Variants in FUT5 observed in about 807,000 individuals in gnomAD.
FUT5 encodes fucosyltransferase 5.
In FUT5, 1 loss-of-function variant was observed where a neutral mutation model predicts 0.8. The ratio of observed to expected loss-of-function variants is 1.26; its 90% CI spans 0.45 to 5.99. FUT5 has a LOEUF of 5.99. Ranked by LOEUF, FUT5 falls within the 30% of genes most tolerant of loss-of-function variation. The probability of loss-of-function intolerance (pLI) is 0.15; values close to 1 mark genes in which losing one functional copy is unlikely to be tolerated. For synonymous variants in FUT5, 212 were observed against 225.7 expected (o/e 0.94, Z 0.54); for missense variants, 437 against 517.8 (o/e 0.84, Z 1.51).
Position 5,867,451 on chromosome 19 carries a change from G to A in FUT5, c.275C>T (p.Pro92Leu). The part of the protein sequence containing the change: ...TWPFNTPVAL[P>L]RCSEMVPGAA... Reference sequence around the variant, plus strand: ...GCCGGGCACCATCTCTGAGCAGCGGGGCAGAGCCACGGGTGTGTTAAAAGG... The same window carrying A: ...GCCGGGCACCATCTCTGAGCAGCGGAGCAGAGCCACGGGTGTGTTAAAAGG... Residue 92 changes from proline (P) to leucine (L), a missense_variant, in exon 2 of 2, where the codon CCC becomes CTC. Pro to Leu is a moderately conservative substitution (Grantham distance 98, BLOSUM62 -3). Transcript: ENST00000588525. This position sits in a 1 kb window ranked among gnomAD's most constrained non-coding sequence, Gnocchi z 5.0. 1 of 1,613,706 alleles carries A rather than the reference G, an allele frequency of 6.2e-7. No individual in the cohort carries two copies. The highest frequency in any genetic ancestry group is 8.5e-7 in the Non-Finnish European group (1 of 1,179,990).
Position 5,866,405 on chromosome 19 carries a change from G to A in FUT5, c.*196C>T. On this transcript the variant is annotated 3_prime_UTR_variant, in exon 2 of 2. Transcript: ENST00000588525. The surrounding 1 kb of genome is among the most constrained non-coding windows in gnomAD (Gnocchi z 4.9). ...GGCTCCTGGCAGTGAAGCCCGGCAA[G>A]TGAAATCCCAGGTAAGTCACATGCC... The A allele has an allele frequency of 1.1e-6, 1 of 885,368 alleles. No homozygotes were observed. Among genetic ancestry groups the A allele is most frequent in the East Asian group, 2.5e-5 (1 of 39,420 alleles). The allele number at this position is 885,368 out of a possible 1,614,324, so 54.8% of individuals were successfully genotyped here.
At chr19:5,868,150 G>T (rs182773550) in intron 1 of FUT5, among the ~76,000 whole-genome samples, 1 of 152,146 alleles carries the variant, frequency 6.6e-6, no homozygotes, top group East Asian at 1.9e-4. Context: ...CACTGTCCCC[G>T]TCCTGGGGGA....
In FUT5 at chr19:5,866,599, T is replaced by A. The variant is rs1327677196; in HGVS notation, c.*2A>T. The A allele has an allele frequency of 6.2e-7, 1 of 1,613,002 alleles. No homozygotes were observed. Among genetic ancestry groups the A allele is most frequent in the African/African-American group, 1.3e-5 (1 of 74,886 alleles). On this transcript the variant is annotated 3_prime_UTR_variant, in exon 2 of 2. Coordinates refer to ENST00000588525, the MANE Select transcript of FUT5 (RefSeq NM_002034.2). This position sits in a 1 kb window ranked among gnomAD's most constrained non-coding sequence, Gnocchi z 4.9. ...CGGCAGCCCAGGCCCCATGCCGGCCTCTCAGGTGAACCAAGCCGCTATGCT... is the reference window on the plus strand; with the variant it reads ...CGGCAGCCCAGGCCCCATGCCGGCCACTCAGGTGAACCAAGCCGCTATGCT...
Position 5,867,819 on chromosome 19 carries a change from T to A in FUT5, c.-12-82A>T. The A allele has an allele frequency of 1.4e-6, 2 of 1,437,932 alleles. No individual in the cohort carries two copies. The highest frequency in any genetic ancestry group is 1.2e-5 in the South Asian group (1 of 86,152). The allele number at this position is 1,437,932 out of a possible 1,614,324, so 89.1% of individuals were successfully genotyped here. Reference sequence around the variant, plus strand: ...CCACGTGTCCTGAGAGAAGCTGTTATAATTTATGACACAGCTTGTCATAAA... The same window carrying A: ...CCACGTGTCCTGAGAGAAGCTGTTAAAATTTATGACACAGCTTGTCATAAA... On this transcript the variant is annotated intron_variant, in intron 1 of 1. Coordinates refer to ENST00000588525, the MANE Select transcript of FUT5 (RefSeq NM_002034.2). The surrounding 1 kb of genome is among the most constrained non-coding windows in gnomAD (Gnocchi z 5.0).
intron 1 of FUT5, among the ~76,000 whole-genome samples, chr19:5,868,186 G>A (rs915234534): frequency 1.1e-4 from 17 of 152,140 alleles, no homozygotes; most frequent in Non-Finnish European, 2.2e-4. Flanking sequence ...GAGAGGTGGG[G>A]AGGATAGGAG....
At position 5,866,416 on chromosome 19, in the gene FUT5, G is replaced by A. The variant is rs3745631; in HGVS notation, c.*185C>T. 1 of 947,726 alleles carries A rather than the reference G, an allele frequency of 1.1e-6. No homozygotes were observed. Among genetic ancestry groups the A allele is most frequent in the Non-Finnish European group, 1.6e-6 (1 of 623,056 alleles). 58.7% of individuals were successfully genotyped at this position (947,726 alleles called of 1,614,324 possible). ...GTGAAGCCCGGCAAGTGAAATCCCA[G>A]GTAAGTCACATGCCTGGCCACCAAA... On this transcript the variant is annotated 3_prime_UTR_variant, in exon 2 of 2. Coordinates refer to ENST00000588525, the MANE Select transcript of FUT5 (RefSeq NM_002034.2). This position sits in a 1 kb window ranked among gnomAD's most constrained non-coding sequence, Gnocchi z 4.9.
rs370008629 is a variant in FUT5, at chr19:5,867,550, G to A, written c.176C>T (p.Pro59Leu). The change falls in exon 2 of 2, where the codon CCC (proline) becomes CTC (leucine). Residue 59 changes from proline to leucine, a missense_variant. Physicochemically the swap from Pro to Leu is moderately conservative, Grantham distance 98 (BLOSUM62 -3). Around this residue, in one of 2 missense-constraint regions of FUT5, gnomAD observed 261 missense variants for 242.6 expected, o/e 1.08. Coordinates refer to ENST00000588525, the MANE Select transcript of FUT5 (RefSeq NM_002034.2). This position sits in a 1 kb window ranked among gnomAD's most constrained non-coding sequence, Gnocchi z 5.0. ...GCTGTCCTGGCAGCGGGACCCATTG[G>A]GAGCCCCGGTGACAGGTTCCACTGC... is the stretch of plus-strand genomic sequence containing the variant. ...LMAVEPVTGA[P>L]NGSRCQDSMA... The A allele has an allele frequency of 4.1e-5, 66 of 1,613,504 alleles. No homozygotes were observed. The East Asian group carries it at 7.4e-4, about 18-fold the overall frequency.
chr19:5,868,424 G>A (rs910346606), intron 1 of FUT5, among the ~76,000 whole-genome samples: 5 of 152,144 alleles, frequency 3.3e-5, no homozygotes, highest in African/African-American at 9.7e-5. Context: ...GAGGGCGACC[G>A]GAGGAGGAGG....
rs770584836 is a variant in FUT5, at chr19:5,867,255, C to G, written c.471G>C (p.Arg157=). Residue 157 remains arginine, a synonymous_variant, in exon 2 of 2, where the codon CGG becomes CGC. Transcript: ENST00000588525. This position sits in a 1 kb window ranked among gnomAD's most constrained non-coding sequence, Gnocchi z 5.0. ...WFSMESPSNC[R]HLEALDGYFN... The stretch of plus-strand genomic sequence containing the variant: ...AGTATCCGTCCAGGGCTTCCAGGTG[C>G]CGGCAGTTGCTGGGGGACTCCATGC... 78 of 1,613,294 alleles carry G rather than the reference C, an allele frequency of 4.8e-5. No homozygotes were observed. The highest frequency in any genetic ancestry group is 1.6e-4 in the Middle Eastern group (1 of 6,084).
chr19:5,866,632 G>A lies in FUT5; in HGVS notation c.1094C>T (p.Thr365Met), dbSNP rs368467966. Residue 365 changes from threonine (T) to methionine (M), a missense_variant, in exon 2 of 2, where the codon ACG becomes ATG. Coordinates refer to ENST00000588525, the MANE Select transcript of FUT5 (RefSeq NM_002034.2). This position sits in a 1 kb window ranked among gnomAD's most constrained non-coding sequence, Gnocchi z 4.9. ...GAACCAAGCCGCTATGCTGCGCACC[G>A]TCTGGTACCTAGATTCCTGCTGCAG... The part of the protein sequence containing the change: ...WKLQQESRYQ[T>M]VRSIAAWFT 9.2e-5 allele frequency: 149 copies of A among 1,613,116 alleles called. 1 individual carries two copies. Among genetic ancestry groups the A allele is most frequent in the Non-Finnish European group, 1.1e-4 (131 of 1,180,012 alleles).
intron 1 of FUT5, among the ~76,000 whole-genome samples, chr19:5,870,066 CAAAAAAA>C (rs72405451): frequency 1.1e-4 from 8 of 70,444 alleles, no homozygotes; most frequent in African/African-American, 2.1e-4. Flanking sequence ...AACTCCATCT[CAAAAAAA>C]AAAAAAAAAA....
At position 5,866,616 on chromosome 19, in the gene FUT5, C is replaced by T. The variant is rs377049009; in HGVS notation, c.1110G>A (p.Ala370=). The change falls in exon 2 of 2, where the codon GCG becomes GCA. Residue 370 remains alanine (A), a synonymous_variant. Coordinates refer to ENST00000588525, the MANE Select transcript of FUT5 (RefSeq NM_002034.2). This position sits in a 1 kb window ranked among gnomAD's most constrained non-coding sequence, Gnocchi z 4.9. ...TGCCGGCCTCTCAGGTGAACCAAGC[C>T]GCTATGCTGCGCACCGTCTGGTACC... ...ESRYQTVRSI[A]AWFT The T allele has an allele frequency of 3.0e-5, 48 of 1,613,280 alleles. No individual in the cohort carries two copies. The highest frequency in any genetic ancestry group is 9.3e-5 in the African/African-American group (7 of 75,014).
Position 5,866,513 on chromosome 19 carries a change from G to GCAGCC in FUT5, c.*87_*88insGGCTG. ...AGGCCCCAGGCAGCCGAGGCCCCAG[G>GCAGCC]TAGGTAAATCCCCCGACTAGTGAGA... On this transcript the variant is annotated 3_prime_UTR_variant, in exon 2 of 2. Transcript: ENST00000588525. This position sits in a 1 kb window ranked among gnomAD's most constrained non-coding sequence, Gnocchi z 4.9. 5 of 1,601,282 alleles carry GCAGCC rather than the reference G, an allele frequency of 3.1e-6. No individual in the cohort carries two copies. Among genetic ancestry groups the GCAGCC allele is most frequent in the Non-Finnish European group, 4.3e-6 (5 of 1,172,366 alleles).
At chr19:5,868,655 C>A (rs1227461941) in intron 1 of FUT5, among the ~76,000 whole-genome samples, 1 of 152,118 alleles carries the variant, frequency 6.6e-6, no homozygotes, top group African/African-American at 2.4e-5. Context: ...GCCAACATGG[C>A]AAGACTCTGT....
intron 1 of FUT5, among the ~76,000 whole-genome samples, chr19:5,869,558 A>AT (rs896301063): frequency 1.4e-3 from 215 of 151,504 alleles, no homozygotes; most frequent in African/African-American, 4.5e-3. Context: ...GCCTAAATAA[A>AT]TTTTTTTTTC....
In FUT5 at chr19:5,867,547, T is replaced by C. The variant is rs371381431; in HGVS notation, c.179A>G (p.Asn60Ser). Residue 60 changes from asparagine (N) to serine (S), a missense_variant, in exon 2 of 2, where the codon AAT (asparagine) becomes AGT (serine). By Grantham distance (46) the Asn-to-Ser change is conservative. Transcript: ENST00000588525. This position sits in a 1 kb window ranked among gnomAD's most constrained non-coding sequence, Gnocchi z 5.0. Reference protein sequence around the residue: ...MAVEPVTGAPNGSRCQDSMAT... With the variant: ...MAVEPVTGAPSGSRCQDSMAT... ...CATGCTGTCCTGGCAGCGGGACCCA[T>C]TGGGAGCCCCGGTGACAGGTTCCAC... 8.7e-6 allele frequency: 14 copies of C among 1,613,320 alleles called. No homozygotes were observed. The highest frequency in any genetic ancestry group is 8.0e-5 in the African/African-American group (6 of 74,914).
Position 5,867,575 on chromosome 19 carries a change from C to G in FUT5, c.151G>C (p.Ala51Pro), listed in dbSNP as rs147222504. ...ATGSPRPGLM[A>P]VEPVTGAPNG... ...GGAGCCCCGGTGACAGGTTCCACTG[C>G]CATAAGCCCTGGCCTAGGGGATCCA... Residue 51 changes from alanine to proline, a missense_variant, in exon 2 of 2, where the codon GCA becomes CCA. Physicochemically the swap from Ala to Pro is conservative, Grantham distance 27. Transcript: ENST00000588525. The surrounding 1 kb of genome is among the most constrained non-coding windows in gnomAD (Gnocchi z 5.0). The G allele has an allele frequency of 1.2e-6, 2 of 1,613,582 alleles. No individual in the cohort carries two copies. The highest frequency in any genetic ancestry group is 1.7e-6 in the Non-Finnish European group (2 of 1,180,030).
rs1276715035 is a variant in FUT5 at position 5,866,329 on chromosome 19, C to T, written c.*272G>A. The T allele has an allele frequency of 1.7e-6, 1 of 591,308 alleles. No individual in the cohort carries two copies. The highest frequency in any genetic ancestry group is 3.0e-6 in the Non-Finnish European group (1 of 335,160). The allele number at this position is 591,308 out of a possible 1,614,324, so 36.6% of individuals were successfully genotyped here. A position where few individuals can be genotyped will look rare whatever the true frequency, so the allele number is the denominator to read the frequency against. On this transcript the variant is annotated 3_prime_UTR_variant, in exon 2 of 2. Coordinates refer to ENST00000588525, the MANE Select transcript of FUT5 (RefSeq NM_002034.2). The surrounding 1 kb of genome is among the most constrained non-coding windows in gnomAD (Gnocchi z 4.9). The stretch of plus-strand genomic sequence containing the variant: ...AGGTGCAGCCTCCAGAAAGCAAGGT[C>T]CCCAGTAGGCACCATCCCCAGCCCC...
chr19:5,866,435 C>G lies in FUT5; in HGVS notation c.*166G>C. On this transcript the variant is annotated 3_prime_UTR_variant, in exon 2 of 2. Coordinates refer to ENST00000588525, the MANE Select transcript of FUT5 (RefSeq NM_002034.2). The surrounding 1 kb of genome is among the most constrained non-coding windows in gnomAD (Gnocchi z 4.9). ...ATCCCAGGTAAGTCACATGCCTGGC[C>G]ACCAAAGACTCCAGCAGGTGAGGCC... 1 of 1,117,172 alleles carries G rather than the reference C, an allele frequency of 9.0e-7. No individual in the cohort carries two copies. The allele number at this position is 1,117,172 out of a possible 1,614,324, so 69.2% of individuals were successfully genotyped here.
Sources: gnomAD v4.1 joint callset for allele counts (sites outside exome capture counted in the v4.1 genomes callset) on GRCh38, gnomAD v4.1.1 for gene constraint, gnomAD v4.1.1 regional missense constraint, Gnocchi (gnomAD v3.1) non-coding constraint, MANE v1.5 for transcripts, NCBI Gene and HGNC (gene_info 2026-07-23, HGNC 2026-07-21) for gene names.